Variants in DLG2 observed in about 807,000 individuals in gnomAD.
The protein encoded by DLG2 is discs large MAGUK scaffold protein 2.
In DLG2, 45 loss-of-function variants were observed where a neutral mutation model predicts 132.5. The observed-to-expected ratio is 0.34, with a 90% CI of 0.27 to 0.44. DLG2 has a LOEUF of 0.44. Among genes scored for constraint, DLG2 ranks in the 20% least tolerant of loss-of-function variants. The pLI is 1.00. For missense variants in DLG2, 1,045 were observed against 1,196.9 expected, an observed-to-expected ratio of 0.87 and a Z score of 1.87; for synonymous variants, 424 against 419.6, an observed-to-expected ratio of 1.01 and a Z score of -0.13.
chr11:85,022,712 T>G (rs2060185038), intron 6 of DLG2, among the ~76,000 whole-genome samples: 1 of 152,142 alleles, frequency 6.6e-6, no homozygotes, highest in Non-Finnish European at 1.5e-5. Flanking sequence ...TTCCTCCTCA[T>G]TATTAATATT....
At chr11:85,412,746 CACACACACACACACAT>C (rs890956946) in intron 3 of DLG2, among the ~76,000 whole-genome samples, 3 of 132,866 alleles carry the variant, frequency 2.3e-5, no homozygotes, top group South Asian at 2.6e-4. Context: ...CACACACACA[CACACACACACACACAT>C]ATATATATAT....
chr11:85,122,940 G>A (rs1594537911), intron 5 of DLG2, among the ~76,000 whole-genome samples: 2 of 47,684 alleles, frequency 4.2e-5, no homozygotes, highest in East Asian at 8.1e-4. Flanking sequence ...ATGTGTGTCT[G>A]TATATATATT....
At position 85,524,550 on chromosome 11, in the gene DLG2, T is replaced by C. The variant is rs2074591871; in HGVS notation, c.40+74107A>G. ...CTTTGTTGACCAGGGTGGAATGCAG[T>C]GGCATGATCCCAGCTCACAGCAGCC... is the stretch of plus-strand genomic sequence containing the variant. On this transcript the variant is annotated intron_variant, in intron 3 of 27. Transcript: ENST00000376104. Among the ~76,000 whole-genome samples the C allele has an allele frequency of 2.0e-5, 3 of 152,298 alleles. No individual in the cohort carries two copies. The South Asian group carries it at 6.2e-4, about 32-fold the overall frequency.
Position 85,520,653 on chromosome 11 carries a change from T to TA in DLG2, c.40+78003dup, listed in dbSNP as rs570400058. On this transcript the variant is annotated intron_variant, in intron 3 of 27. Coordinates refer to ENST00000376104, the MANE Select transcript of DLG2 (RefSeq NM_001142699.3). ...TAACCAAAACAGCATGGTATTGGCA[T>TA]AAAAAAAAAACACATGGACCAATGG... Among the ~76,000 whole-genome samples, 684 of 144,570 alleles carry TA rather than the reference T, an allele frequency of 4.7e-3. 3 individuals carry two copies. Among genetic ancestry groups the TA allele is most frequent in the African/African-American group, 0.014 (548 of 39,426 alleles). The allele number at this position is 144,570 out of a possible 152,430, so 94.8% of individuals were successfully genotyped here.
chr11:85,628,327 G>T (rs1329551255), upstream of DLG2, among the ~76,000 whole-genome samples: 1 of 152,234 alleles, frequency 6.6e-6, no homozygotes, highest in South Asian at 2.1e-4. Flanking sequence ...CCCGCAGGAC[G>T]CGAAGAGATC....
At chr11:84,914,749 C>CA (rs2154079512) in intron 6 of DLG2, among the ~76,000 whole-genome samples, 1 of 152,288 alleles carries the variant, frequency 6.6e-6, no homozygotes, top group East Asian at 1.9e-4. Flanking sequence ...GTGGTTTCAC[C>CA]AGTTACTTGC....
chr11:85,207,019 G>A (rs2081943793), intron 4 of DLG2, among the ~76,000 whole-genome samples: 1 of 151,984 alleles, frequency 6.6e-6, no homozygotes, highest in Non-Finnish European at 1.5e-5. Context: ...TCATCGACTG[G>A]ACATTTCATC....
At chr11:83,969,349 T>G (rs560005412) in intron 12 of DLG2, among the ~76,000 whole-genome samples, 1 of 152,154 alleles carries the variant, frequency 6.6e-6, no homozygotes, top group Non-Finnish European at 1.5e-5. Context: ...AATTCCAAAG[T>G]ATTATAAAAG....
intron 9 of DLG2, among the ~76,000 whole-genome samples, chr11:84,102,915 G>C (rs1210922618): frequency 6.6e-6 from 1 of 152,084 alleles, no homozygotes; most frequent in Non-Finnish European, 1.5e-5. Context: ...CTGTGGCTCT[G>C]GCATTTTCTA....
intron 11 of DLG2, among the ~76,000 whole-genome samples, chr11:84,003,400 G>T (rs1342142780): frequency 6.6e-6 from 1 of 152,080 alleles, no homozygotes; most frequent in Non-Finnish European, 1.5e-5. Flanking sequence ...TCCTGTATTA[G>T]TCCATTTTCA....
At chr11:84,975,572 C>T (rs2054782301) in intron 6 of DLG2, among the ~76,000 whole-genome samples, 2 of 152,088 alleles carry the variant, frequency 1.3e-5, no homozygotes, top group Non-Finnish European at 1.5e-5. Context: ...TTTTGAGTTG[C>T]CACATCTGCC....
At chr11:85,030,585 A>AGCCTTTATCATAGGAAGAAAGTT (rs1258902264) in intron 6 of DLG2, among the ~76,000 whole-genome samples, 15 of 152,346 alleles carry the variant, frequency 9.8e-5, no homozygotes, top group African/African-American at 3.4e-4. Flanking sequence ...TCAAGTAAAT[A>AGCCTTTATCATAGGAAGAAAGTT]GCCTTTATCA....
intron 3 of DLG2, among the ~76,000 whole-genome samples, chr11:85,497,908 T>A (rs1212311661): frequency 6.6e-6 from 1 of 152,182 alleles, no homozygotes; most frequent in Non-Finnish European, 1.5e-5. Flanking sequence ...CAGGTCTGCC[T>A]CACAGGAGCT....
intron 15 of DLG2, among the ~76,000 whole-genome samples, chr11:83,927,680 A>G (rs1388251774): frequency 6.6e-6 from 1 of 152,146 alleles, no homozygotes; most frequent in African/African-American, 2.4e-5. Context: ...ATGCAAAAGG[A>G]GATCTGATCT....
intron 14 of DLG2, among the ~76,000 whole-genome samples, chr11:83,939,301 G>A (rs2082151766): frequency 6.6e-6 from 1 of 152,142 alleles, no homozygotes; most frequent in African/African-American, 2.4e-5. Flanking sequence ...TTTTTCAGCA[G>A]ACCGGTGGGC....
chr11:83,938,237 G>T lies in DLG2; in HGVS notation c.1341-7754C>A, dbSNP rs146784298. Among the ~76,000 whole-genome samples the T allele has an allele frequency of 2.9e-3, 440 of 152,264 alleles. 2 individuals are homozygous for T. Among genetic ancestry groups the T allele is most frequent in the African/African-American group, 9.3e-3 (388 of 41,568 alleles). On this transcript the variant is annotated intron_variant, in intron 14 of 27. Coordinates refer to ENST00000376104, the MANE Select transcript of DLG2 (RefSeq NM_001142699.3). The stretch of plus-strand genomic sequence containing the variant: ...TACAAAATTGTATATGGGGCTGTGG[G>T]GACAGCAGGAAGTGAAAGCACCTAA...
intron 6 of DLG2, among the ~76,000 whole-genome samples, chr11:84,946,636 G>A (rs1476396068): frequency 2.0e-5 from 3 of 152,000 alleles, no homozygotes; most frequent in African/African-American, 7.2e-5. Flanking sequence ...TCAAGCAGAA[G>A]GAAGGAGCAA....
At chr11:84,603,605 G>A (rs1225988437) in intron 6 of DLG2, among the ~76,000 whole-genome samples, 2 of 151,834 alleles carry the variant, frequency 1.3e-5, no homozygotes, top group Non-Finnish European at 2.9e-5. Flanking sequence ...CCTCTTAATG[G>A]CTTCATTTTC....
At chr11:83,666,940 T>C (rs967841059) in intron 18 of DLG2, among the ~76,000 whole-genome samples, 19 of 152,258 alleles carry the variant, frequency 1.2e-4, no homozygotes, top group African/African-American at 4.1e-4. Context: ...CATACTCTCA[T>C]TCCAGCCCCA....
Sources: gnomAD v4.1 joint callset for allele counts (sites outside exome capture counted in the v4.1 genomes callset) on GRCh38, gnomAD v4.1.1 for gene constraint, MANE v1.5 for transcripts, NCBI Gene and HGNC (gene_info 2026-07-23, HGNC 2026-07-21) for gene names.